PDE12: variants seen among roughly 807,000 people sequenced by gnomAD.
PDE12 encodes the protein 2',5'-phosphodiesterase 12.
A neutral mutation model predicts 45.4 loss-of-function variants in PDE12; 26 were observed. The ratio of observed to expected loss-of-function variants is 0.57; its 90% CI spans 0.42 to 0.79. The LOEUF is 0.79. Ranked by LOEUF, PDE12 falls within the 30% of genes least tolerant of loss-of-function variation. PDE12 has a pLI of 0.00. For missense variants in PDE12, 668 were observed against 790.0 expected, an observed-to-expected ratio of 0.85 and a Z score of 1.85; for synonymous variants, 283 against 323.9, an observed-to-expected ratio of 0.87 and a Z score of 1.36.
the PDE12 span, among the ~76,000 whole-genome samples, chr3:57,631,548 GA>G: frequency 1.3e-5 from 2 of 152,072 alleles, no homozygotes; most frequent in South Asian, 4.2e-4. Context: ...CTATAGGCCA[GA>G]TAATGCACTC....
chr3:57,629,561 G>A, the PDE12 span, among the ~76,000 whole-genome samples: 9 of 145,990 alleles, frequency 6.2e-5, no homozygotes, highest in African/African-American at 2.0e-4. Context: ...GCCCAGGCTG[G>A]AGCACAGTGG....
At chr3:57,585,099 A>T in the PDE12 span, among the ~76,000 whole-genome samples, 2 of 152,082 alleles carry the variant, frequency 1.3e-5, no homozygotes, top group African/African-American at 4.8e-5. Flanking sequence ...CCTGGCCTCA[A>T]GTGATCTGCC....
At chr3:57,605,340 G>A in the PDE12 span, among the ~76,000 whole-genome samples, 12 of 152,180 alleles carry the variant, frequency 7.9e-5, no homozygotes, top group South Asian at 2.1e-3. Context: ...ATGAATCTGA[G>A]CAAACTACCC....
At chr3:57,624,894 A>G in the PDE12 span, among the ~76,000 whole-genome samples, 1 of 152,172 alleles carries the variant, frequency 6.6e-6, no homozygotes, top group Non-Finnish European at 1.5e-5. Flanking sequence ...AATTGAGTTT[A>G]TTCAACTAAA....
the PDE12 span, among the ~76,000 whole-genome samples, chr3:57,614,306 A>G: frequency 6.6e-6 from 1 of 152,184 alleles, no homozygotes; most frequent in South Asian, 2.1e-4. Flanking sequence ...AAGTCATACA[A>G]AGTATGTTCA....
chr3:57,596,773 G>A, the PDE12 span: 4 of 320,210 alleles, frequency 1.2e-5, no homozygotes, highest in African/African-American at 2.2e-5. Context: ...CCCAGAGTTG[G>A]CTTTCCCCAC....
At chr3:57,624,220 G>A in the PDE12 span, among the ~76,000 whole-genome samples, 5,208 of 151,350 alleles carry the variant, frequency 0.034, 122 homozygotes, top group Middle Eastern at 0.048. Flanking sequence ...GGGCGATCTC[G>A]GCTCACTGCA....
rs113175072 is a variant in PDE12 at position 57,565,112 on chromosome 3, G to C, written c.*5108G>C. On this transcript the variant is annotated 3_prime_UTR_variant, in exon 3 of 3. Coordinates refer to ENST00000311180, the MANE Select transcript of PDE12 (RefSeq NM_177966.7). Reference sequence around the variant, plus strand: ...AGCGATCCTCCCACCTCAGCCTCCTGAGTAGCTGGGACTATAGGTGCATGC... The same window carrying C: ...AGCGATCCTCCCACCTCAGCCTCCTCAGTAGCTGGGACTATAGGTGCATGC... 0.39 allele frequency: 58,591 copies of C among 151,610 alleles called. 13,125 individuals are homozygous for C. The highest frequency in any genetic ancestry group is 0.62 in the African/African-American group (25,491 of 41,262). The allele number at this position is 151,610 out of a possible 1,614,324, so 9.4% of individuals were successfully genotyped here. A position where few individuals can be genotyped will look rare whatever the true frequency, so the allele number is the denominator to read the frequency against.
At chr3:57,631,020 A>G in the PDE12 span, 19 of 1,591,198 alleles carry the variant, frequency 1.2e-5, no homozygotes, top group Non-Finnish European at 1.6e-5. Flanking sequence ...TGTCTTCAAA[A>G]ATATTTAAAC....
the PDE12 span, among the ~76,000 whole-genome samples, chr3:57,652,948 AT>A: frequency 6.6e-6 from 1 of 152,356 alleles, no homozygotes; most frequent in Non-Finnish European, 1.5e-5. Flanking sequence ...ACTAGACATT[AT>A]TGTAACAACT....
At chr3:57,627,712 T>TA in the PDE12 span, 2 of 152,832 alleles carry the variant, frequency 1.3e-5, no homozygotes, top group Non-Finnish European at 2.9e-5. Context: ...GCTTCAAGAC[T>TA]AGCAGCTGAA....
the PDE12 span, among the ~76,000 whole-genome samples, chr3:57,600,499 C>A: frequency 6.7e-6 from 1 of 149,938 alleles, no homozygotes; most frequent in Non-Finnish European, 1.5e-5. Context: ...CCTCCCCTCC[C>A]TTTTTCCTCC....
At chr3:57,645,445 A>G in the PDE12 span, among the ~76,000 whole-genome samples, 1 of 152,232 alleles carries the variant, frequency 6.6e-6, no homozygotes, top group African/African-American at 2.4e-5. Context: ...TGGGCGACAG[A>G]GCAAACCTCT....
At chr3:57,617,408 A>C in the PDE12 span, among the ~76,000 whole-genome samples, 1 of 152,142 alleles carries the variant, frequency 6.6e-6, no homozygotes, top group Non-Finnish European at 1.5e-5. Context: ...TGTCTAATAA[A>C]AAGTAGTAAA....
At chr3:57,593,837 A>G in the PDE12 span, among the ~76,000 whole-genome samples, 2 of 152,202 alleles carry the variant, frequency 1.3e-5, no homozygotes, top group African/African-American at 4.8e-5. Context: ...AAGAACAGGC[A>G]AGATAGTGAG....
chr3:57,587,148 G>A, the PDE12 span, among the ~76,000 whole-genome samples: 29 of 151,772 alleles, frequency 1.9e-4, no homozygotes, highest in African/African-American at 5.8e-4. Flanking sequence ...GTAAAATCCC[G>A]TCTCTACTAA....
chr3:57,628,409 C>A, the PDE12 span: 2 of 1,546,960 alleles, frequency 1.3e-6, no homozygotes, highest in Middle Eastern at 3.5e-4. Flanking sequence ...ACATTACATT[C>A]TCTAAATAAA....
chr3:57,607,834 C>G, the PDE12 span, among the ~76,000 whole-genome samples: 5 of 152,156 alleles, frequency 3.3e-5, no homozygotes, highest in African/African-American at 9.7e-5. Context: ...TCCAGGAGAA[C>G]TTCCCCAACC....
At chr3:57,601,098 G>T in the PDE12 span, among the ~76,000 whole-genome samples, 52,338 of 151,786 alleles carry the variant, frequency 0.34, 9,500 homozygotes, top group East Asian at 0.56. Flanking sequence ...ACACTAGGTA[G>T]TATGTTTTCC....
Sources: gnomAD v4.1 joint callset for allele counts (sites outside exome capture counted in the v4.1 genomes callset) on GRCh38, gnomAD v4.1.1 for gene constraint, MANE v1.5 for transcripts, NCBI Gene and HGNC (gene_info 2026-07-23, HGNC 2026-07-21) for gene names.